The following PCM1 variants were observed in gnomAD, a reference collection of about 807,000 sequenced individuals.
PCM1 encodes pericentriolar material 1, also known as pericentriolar material 1 protein.
PCM1 carries 157 observed loss-of-function variants against 241.9 expected under a neutral mutation model. That is an observed-to-expected ratio of 0.65 (90% CI 0.57 to 0.74). The LOEUF (loss-of-function observed/expected upper bound fraction) is 0.74. PCM1 is among the 30% of genes least tolerant of loss of function. The probability of loss-of-function intolerance (pLI) is 0.00; values close to 1 mark genes in which losing one functional copy is unlikely to be tolerated. For synonymous variants in PCM1, 1,085 were observed against 784.9 expected, an observed-to-expected ratio of 1.38 and a Z score of -6.39; for missense variants, 3,478 against 2,360.1, an observed-to-expected ratio of 1.47 and a Z score of -9.81.
chr8:18,010,610 C>G lies in PCM1; in HGVS notation c.5162C>G (p.Ala1721Gly), dbSNP rs550551479. ...CTGTGTAATTGATTTGTTTTAAAGGCTAAAAGGATTCTTGAAGATCATGGC... is the reference window on the plus strand; with the variant it reads ...CTGTGTAATTGATTTGTTTTAAAGGGTAAAAGGATTCTTGAAGATCATGGC... ...TGVIQSCAKE[A>G]KRILEDHGSP... is the part of the protein sequence containing the mutation. The change falls in exon 32 of 39, where the codon GCT (alanine) becomes GGT (glycine). Residue 1721 changes from alanine to glycine, a missense_variant and splice_region_variant. Physicochemically the swap from Ala to Gly is moderately conservative, Grantham distance 60. Transcript: ENST00000325083. The G allele has an allele frequency of 6.3e-7, 1 of 1,594,034 alleles. No individual in the cohort carries two copies. Among genetic ancestry groups the G allele is most frequent in the East Asian group, 2.3e-5 (1 of 44,312 alleles).
intron 15 of PCM1, 109 bp downstream of exon 15, chr8:17,960,553 C>G (rs2071308797): frequency 1.5e-5 from 4 of 272,940 alleles, no homozygotes; most frequent in Non-Finnish European, 2.5e-5. Flanking sequence ...GAGGCAGAGT[C>G]TCACTCTGTT....
At chr8:17,976,892 G>A (rs1238190289) in intron 23 of PCM1, among the ~76,000 whole-genome samples, 2 of 150,170 alleles carry the variant, frequency 1.3e-5, no homozygotes, top group Non-Finnish European at 1.5e-5. Context: ...TCTTTTCGTA[G>A]CATCTTAATA....
At chr8:17,953,818 C>T (rs1189205569) in intron 9 of PCM1, among the ~76,000 whole-genome samples, 1 of 150,616 alleles carries the variant, frequency 6.6e-6, no homozygotes, top group East Asian at 2.0e-4. Context: ...AACATGGCCC[C>T]TGTCTCATAT....
rs1387173208 is a variant in PCM1 at position 17,955,532 on chromosome 8, G to C, written c.1351G>C (p.Ala451Pro). 1.2e-6 allele frequency: 2 copies of C among 1,613,542 alleles called. No individual in the cohort carries two copies. Among genetic ancestry groups the C allele is most frequent in the Non-Finnish European group, 1.7e-6 (2 of 1,179,744 alleles). The change falls in exon 10 of 39, where the codon GCA becomes CCA. Residue 451 changes from alanine (A) to proline (P), a missense_variant. By Grantham distance (27) the Ala-to-Pro change is conservative (BLOSUM62 -1). Coordinates refer to ENST00000325083, the MANE Select transcript of PCM1 (RefSeq NM_006197.4). ...AGCTCCCTCTGCTTCTGTAGGCTTGGCACCGGTTGTCAATGGAGAATCCAA... is the reference window on the plus strand; with the variant it reads ...AGCTCCCTCTGCTTCTGTAGGCTTGCCACCGGTTGTCAATGGAGAATCCAA... ...TSAPSASVGL[A>P]PVVNGESNSL...
intron 36 of PCM1, among the ~76,000 whole-genome samples, chr8:18,016,907 C>T (rs2093273289): frequency 6.6e-6 from 1 of 152,214 alleles, no homozygotes; most frequent in Admixed American, 6.5e-5. Flanking sequence ...AAAAGCTGAA[C>T]TCAGAGCCAT....
intron 22 of PCM1, among the ~76,000 whole-genome samples, chr8:17,970,541 T>G (rs1214854184): frequency 6.6e-6 from 1 of 152,042 alleles, no homozygotes; most frequent in Non-Finnish European, 1.5e-5. Context: ...TCCTTTTTTT[T>G]GGTTGTTCTA....
rs969641501 is a variant in PCM1, at chr8:18,028,129, A to C, written c.*467A>C. ...TTAGGCCAGTCTTCCAACTAATGCC[A>C]GTGTTGCTGCTGTTGGGTCTGATGT... On this transcript the variant is annotated 3_prime_UTR_variant, in exon 39 of 39. Coordinates refer to ENST00000325083, the MANE Select transcript of PCM1 (RefSeq NM_006197.4). 1.5e-5 allele frequency: 3 copies of C among 199,986 alleles called. No individual in the cohort carries two copies. The highest frequency in any genetic ancestry group is 6.9e-5 in the African/African-American group (3 of 43,552). The allele number at this position is 199,986 out of a possible 1,614,324, so 12.4% of individuals were successfully genotyped here.
intron 16 of PCM1, 66 bp downstream of exon 16, chr8:17,962,240 A>C: frequency 1.4e-6 from 2 of 1,388,168 alleles, no homozygotes; most frequent in South Asian, 2.7e-5. Context: ...TTCTTCAATA[A>C]GGCACATCTC....
rs1238752271 is a variant in PCM1, at chr8:17,962,976, A to G, written c.2464-125A>G. On this transcript the variant is annotated intron_variant, in intron 16 of 38. Transcript: ENST00000325083. Reference sequence around the variant, plus strand: ...TTATTTTAACCTTCATGGACATGTTAGTGTGAAAAGGAGAGAATGAGAATA... The same window carrying G: ...TTATTTTAACCTTCATGGACATGTTGGTGTGAAAAGGAGAGAATGAGAATA... 6.3e-6 allele frequency: 4 copies of G among 633,042 alleles called. No individual in the cohort carries two copies. In the African/African-American group the frequency reaches 7.5e-5, roughly 12 times the overall value. The allele number at this position is 633,042 out of a possible 1,614,324, so 39.2% of individuals were successfully genotyped here. A position where few individuals can be genotyped will look rare whatever the true frequency, so the allele number is the denominator to read the frequency against.
Position 17,985,955 on chromosome 8 carries a change from T to C in PCM1, c.4282-4T>C, listed in dbSNP as rs1276398486. ...ATAAATGATGATCTTATTTTCTTAT[T>C]TAGGACATAGTATCCAGACATATTT... On this transcript the variant is annotated splice_region_variant and splice_polypyrimidine_tract_variant and intron_variant, in intron 25 of 38. Transcript: ENST00000325083. 1 of 1,512,910 alleles carries C rather than the reference T, an allele frequency of 6.6e-7. No individual in the cohort carries two copies. Among genetic ancestry groups the C allele is most frequent in the Non-Finnish European group, 9.0e-7 (1 of 1,108,134 alleles). 93.7% of individuals were successfully genotyped at this position (1,512,910 alleles called of 1,614,324 possible).
chr8:18,005,109 G>C (rs557911551), intron 29 of PCM1, among the ~76,000 whole-genome samples: 4 of 152,078 alleles, frequency 2.6e-5, no homozygotes, highest in Non-Finnish European at 5.9e-5. Flanking sequence ...AGAAATATTT[G>C]TTGTTGCCTC....
At chr8:18,015,205 T>C (rs944159260) in intron 36 of PCM1, among the ~76,000 whole-genome samples, 4 of 149,216 alleles carry the variant, frequency 2.7e-5, no homozygotes, top group African/African-American at 9.9e-5. Flanking sequence ...ACACTTGGGA[T>C]AGGAAATAAA....
rs1563902200 is a variant in PCM1 at position 17,956,816 on chromosome 8, TTC to T, written c.1646+41_1646+42del. On this transcript the variant is annotated intron_variant, in intron 11 of 38. Coordinates refer to ENST00000325083, the MANE Select transcript of PCM1 (RefSeq NM_006197.4). ...TGGGGATGTTTTTCCAGCATATTCA[TTC>T]TGTCTTGATACTTATAATGTGGGAA... The T allele has an allele frequency of 2.0e-6, 3 of 1,481,194 alleles. 1 individual carries two copies. The South Asian group carries it at 3.5e-5, about 17-fold the overall frequency. The allele number at this position is 1,481,194 out of a possible 1,614,324, so 91.8% of individuals were successfully genotyped here.
intron 2 of PCM1, chr8:17,926,286 G>C (rs932905084): frequency 5.9e-5 from 9 of 152,094 alleles, no homozygotes; most frequent in African/African-American, 2.2e-4. Context: ...TTTTTCTGAA[G>C]GAGGAAAGTG....
At chr8:17,933,319 A>C (rs74399274) in intron 2 of PCM1, among the ~76,000 whole-genome samples, 1 of 152,320 alleles carries the variant, frequency 6.6e-6, no homozygotes, top group African/African-American at 2.4e-5. Context: ...TTGAAACCAT[A>C]TAGACAGCTA....
At position 18,006,504 on chromosome 8, in the gene PCM1, A is replaced by T. The variant is rs1588344821; in HGVS notation, c.4962+107A>T. On this transcript the variant is annotated intron_variant, in intron 30 of 38. Coordinates refer to ENST00000325083, the MANE Select transcript of PCM1 (RefSeq NM_006197.4). ...TGCATTACACAATTTATTCTGGTGGACATCCAATCTAGCGTCCATTTGGGA... is the reference window on the plus strand; with the variant it reads ...TGCATTACACAATTTATTCTGGTGGTCATCCAATCTAGCGTCCATTTGGGA... 5 of 705,090 alleles carry T rather than the reference A, an allele frequency of 7.1e-6. No individual in the cohort carries two copies. In the East Asian group the frequency reaches 1.3e-4, roughly 18 times the overall value. 43.7% of individuals were successfully genotyped at this position (705,090 alleles called of 1,614,324 possible).
Position 17,938,787 on chromosome 8 carries a change from C to T in PCM1, c.390C>T (p.Asn130=). 1 of 1,612,008 alleles carries T rather than the reference C, an allele frequency of 6.2e-7. No individual in the cohort carries two copies. The highest frequency in any genetic ancestry group is 1.1e-5 in the South Asian group (1 of 91,058). ...AAGGTAGAGCAACAGCTGCTAACAA[C>T]AAACGTCAGCTTAGTGAAAACCGAA... ...DSQGRATAAN[N]KRQLSENRKP... Residue 130 remains asparagine, a synonymous_variant, in exon 5 of 39, where the codon AAC becomes AAT. Transcript: ENST00000325083.
intron 20 of PCM1, among the ~76,000 whole-genome samples, chr8:17,966,729 G>C (rs1587141344): frequency 6.6e-6 from 1 of 152,288 alleles, no homozygotes; most frequent in Non-Finnish European, 1.5e-5. Flanking sequence ...CCACAGTGAA[G>C]CTATAAACAA....
rs749901055 is a variant in PCM1, at chr8:17,969,393, G to C, written c.3413-184G>C. On this transcript the variant is annotated intron_variant, in intron 21 of 38. Coordinates refer to ENST00000325083, the MANE Select transcript of PCM1 (RefSeq NM_006197.4). ...GGATTATTAATTGTCTTTGACCAAT[G>C]CCTAAAACATAGTGGCCTAAGCTGT... The C allele has an allele frequency of 3.0e-4, 157 of 520,350 alleles. 1 individual carries two copies. The highest frequency in any genetic ancestry group is 2.5e-3 in the Middle Eastern group (5 of 1,978). The allele number at this position is 520,350 out of a possible 1,614,324, so 32.2% of individuals were successfully genotyped here.
Sources: allele counts gnomAD v4.1 joint callset (sites outside exome capture counted in the v4.1 genomes callset), GRCh38; gene constraint gnomAD v4.1.1; transcripts MANE v1.5; gene names NCBI Gene and HGNC (gene_info 2026-07-23, HGNC 2026-07-21).